Variants in GPHN observed in about 807,000 individuals in gnomAD.
GPHN encodes gephyrin.
In GPHN, 17 loss-of-function variants were observed where a neutral mutation model predicts 95.5. The observed-to-expected ratio is 0.18, with a 90% CI of 0.12 to 0.27. The LOEUF (loss-of-function observed/expected upper bound fraction) is 0.27. Among genes scored for constraint, GPHN ranks in the 10% least tolerant of loss-of-function variants. The pLI is 1.00. For synonymous variants in GPHN, 320 were observed against 322.5 expected (o/e 0.99, Z 0.08); for missense variants, 660 against 978.1 (o/e 0.67, Z 4.34).
chr14:66,521,680 G>T (rs752702597), intron 1 of GPHN, among the ~76,000 whole-genome samples: 68 of 152,124 alleles, frequency 4.5e-4, no homozygotes, highest in Non-Finnish European at 7.4e-4. Context: ...TTTTATGAGG[G>T]CACTAATCCC....
the GPHN span, among the ~76,000 whole-genome samples, chr14:67,622,945 C>T: frequency 2.0e-5 from 3 of 152,202 alleles, no homozygotes; most frequent in Non-Finnish European, 2.9e-5. Context: ...CCTGTCACAG[C>T]TCTTGGTATT....
At chr14:67,681,180 G>A in the GPHN span, among the ~76,000 whole-genome samples, 9 of 152,210 alleles carry the variant, frequency 5.9e-5, no homozygotes, top group African/African-American at 1.9e-4. Context: ...TGTGTACATA[G>A]AGGAAAGGCC....
chr14:67,237,535 T>C, the GPHN span, among the ~76,000 whole-genome samples: 15 of 152,188 alleles, frequency 9.9e-5, no homozygotes, highest in South Asian at 2.5e-3. Context: ...GTTGCCCAGG[T>C]TGGACTTGAA....
intron 21 of GPHN, among the ~76,000 whole-genome samples, chr14:67,171,960 T>A (rs2082625683): frequency 6.6e-6 from 1 of 152,108 alleles, no homozygotes; most frequent in Non-Finnish European, 1.5e-5. Flanking sequence ...CTCACAAGCA[T>A]GAAGCCCAGC....
chr14:66,986,049 C>G (rs2071007806), intron 9 of GPHN, among the ~76,000 whole-genome samples: 1 of 152,058 alleles, frequency 6.6e-6, no homozygotes, highest in Non-Finnish European at 1.5e-5. Flanking sequence ...TGATTGATGT[C>G]ACTGTGTGTT....
intron 1 of GPHN, among the ~76,000 whole-genome samples, chr14:66,608,103 A>C (rs2062626014): frequency 6.8e-6 from 1 of 146,258 alleles, no homozygotes; most frequent in Non-Finnish European, 1.5e-5. Flanking sequence ...GATCTTTCTA[A>C]TTTTTGATGA....
intron 2 of GPHN, among the ~76,000 whole-genome samples, chr14:66,709,681 C>T (rs1328290299): frequency 6.6e-6 from 1 of 152,176 alleles, no homozygotes; most frequent in East Asian, 1.9e-4. Flanking sequence ...GGAAAGACTA[C>T]TCTATTCTCA....
the GPHN span, among the ~76,000 whole-genome samples, chr14:67,511,652 C>A: frequency 6.6e-6 from 1 of 152,152 alleles, no homozygotes; most frequent in African/African-American, 2.4e-5. Flanking sequence ...AGTGGAAGCA[C>A]CAAAATCAGA....
At chr14:67,176,377 G>A (rs186625868) in intron 21 of GPHN, among the ~76,000 whole-genome samples, 4 of 152,238 alleles carry the variant, frequency 2.6e-5, no homozygotes, top group East Asian at 1.9e-4. Flanking sequence ...GATGGATTAC[G>A]TCTATTGATT....
chr14:67,164,587 G>T lies in GPHN; in HGVS notation c.1911-575G>T, dbSNP rs536787826. ...GCTCACTGCAACCTCTGCCTCCCAG[G>T]TTCAAGCGATTCTCCTGCCTCAGCC... On this transcript the variant is annotated intron_variant, in intron 19 of 22. Coordinates refer to ENST00000478722, the MANE Select transcript of GPHN (RefSeq NM_020806.5). Among the ~76,000 whole-genome samples the T allele has an allele frequency of 1.8e-3, 269 of 152,054 alleles. 1 individual carries two copies. Among genetic ancestry groups the T allele is most frequent in the African/African-American group, 6.2e-3 (259 of 41,484 alleles).
chr14:66,542,608 TC>T (rs1212803427), intron 1 of GPHN, among the ~76,000 whole-genome samples: 1 of 152,282 alleles, frequency 6.6e-6, no homozygotes, highest in African/African-American at 2.4e-5. Context: ...CCACTCTCAC[TC>T]CTATGTCATA....
chr14:66,706,293 C>T (rs1287117828), intron 2 of GPHN, among the ~76,000 whole-genome samples: 1 of 152,118 alleles, frequency 6.6e-6, no homozygotes, highest in African/African-American at 2.4e-5. Flanking sequence ...ACATTATTTA[C>T]AGAATTAGAA....
intron 21 of GPHN, among the ~76,000 whole-genome samples, chr14:67,177,401 T>G (rs933191871): frequency 5.3e-5 from 8 of 152,240 alleles, no homozygotes; most frequent in Non-Finnish European, 1.5e-5. Context: ...AGTAAGTTTC[T>G]TAATCCTGAG....
chr14:67,600,547 G>A, the GPHN span, among the ~76,000 whole-genome samples: 1 of 152,290 alleles, frequency 6.6e-6, no homozygotes, highest in East Asian at 1.9e-4. Flanking sequence ...TGCAGTGAGC[G>A]GAGATCATGC....
At chr14:67,255,522 TAA>T in the GPHN span, among the ~76,000 whole-genome samples, 1 of 152,222 alleles carries the variant, frequency 6.6e-6, no homozygotes, top group Non-Finnish European at 1.5e-5. Context: ...TCCTAAATAC[TAA>T]AGAGCCATGA....
chr14:66,839,064 A>C (rs116869529), intron 4 of GPHN, among the ~76,000 whole-genome samples: 1,833 of 152,318 alleles, frequency 0.012, 19 homozygotes, highest in Non-Finnish European at 0.018. Flanking sequence ...ACAAATGTCC[A>C]CTGGAGGTAG....
At chr14:67,045,688 A>T (rs1227371187) in intron 10 of GPHN, among the ~76,000 whole-genome samples, 392 of 81,544 alleles carry the variant, frequency 4.8e-3, no homozygotes, top group African/African-American at 6.8e-3. Context: ...TCTTGGTCTC[A>T]GTGTCTCTCT....
At chr14:67,072,332 G>C (rs1251304705) in intron 11 of GPHN, among the ~76,000 whole-genome samples, 1 of 152,068 alleles carries the variant, frequency 6.6e-6, no homozygotes, top group East Asian at 1.9e-4. Context: ...ATGAAAATTA[G>C]TGAAAATTAA....
the GPHN span, chr14:67,450,141 T>C: frequency 1.3e-5 from 2 of 152,432 alleles, no homozygotes; most frequent in Non-Finnish European, 2.9e-5. Context: ...GCCGTCCATG[T>C]AAGATGTGAC....
Sources: gnomAD v4.1 joint callset for allele counts (sites outside exome capture counted in the v4.1 genomes callset) on GRCh38, gnomAD v4.1.1 for gene constraint, MANE v1.5 for transcripts, NCBI Gene and HGNC (gene_info 2026-07-23, HGNC 2026-07-21) for gene names.